GSE1: variants seen among roughly 807,000 people sequenced by gnomAD.
The protein encoded by GSE1 is Gse1 coiled-coil protein, also known as genetic suppressor element 1.
A neutral mutation model predicts 112.6 loss-of-function variants in GSE1; 32 were observed. The ratio of observed to expected loss-of-function variants is 0.28; its 90% CI spans 0.21 to 0.38. The LOEUF is 0.38. Ranked by LOEUF, GSE1 falls within the 10% of genes least tolerant of loss-of-function variation. GSE1 has a pLI of 1.00. For synonymous variants in GSE1, 1,115 were observed against 735.6 expected, an observed-to-expected ratio of 1.52 and a Z score of -8.35; for missense variants, 2,348 against 1,699.2, an observed-to-expected ratio of 1.38 and a Z score of -6.71.
chr16:85,247,753 AGGGAGGGAACGCG>A (rs1906015690), intron 1 of GSE1, among the ~76,000 whole-genome samples: 1 of 151,960 alleles, frequency 6.6e-6, no homozygotes, highest in Admixed American at 6.5e-5. Flanking sequence ...GTGAGCACTC[AGGGAGGGAACGCG>A]GGGAGGGAGG....
intron 1 of GSE1, among the ~76,000 whole-genome samples, chr16:85,575,499 CTT>C (rs1491320124): frequency 4.1e-4 from 63 of 152,268 alleles, no homozygotes; most frequent in African/African-American, 1.3e-3. Context: ...CGTCTCCCCT[CTT>C]TTCTGATCTC....
chr16:85,250,931 T>C (rs1249521489), intron 1 of GSE1, among the ~76,000 whole-genome samples: 2 of 152,086 alleles, frequency 1.3e-5, no homozygotes, highest in Non-Finnish European at 2.9e-5. Flanking sequence ...TGGACTTCTG[T>C]GTCTGGCATC....
chr16:85,350,503 G>A (rs1230103576), intron 1 of GSE1, among the ~76,000 whole-genome samples: 1 of 152,100 alleles, frequency 6.6e-6, no homozygotes, highest in Non-Finnish European at 1.5e-5. Flanking sequence ...AGCTGGAGCC[G>A]AAACTGCCCA....
chr16:85,619,854 C>T (rs990695474), intron 1 of GSE1, among the ~76,000 whole-genome samples: 1 of 152,126 alleles, frequency 6.6e-6, no homozygotes, highest in Non-Finnish European at 1.5e-5. Flanking sequence ...TCCATATCCT[C>T]CCTGTAGTCA....
chr16:85,418,084 G>A (rs536922000), intron 2 of GSE1, among the ~76,000 whole-genome samples: 9 of 152,246 alleles, frequency 5.9e-5, no homozygotes, highest in African/African-American at 1.4e-4. Context: ...TGATCCACCC[G>A]CCTCAGCCTC....
At chr16:85,612,636 T>C (rs1038668363), upstream of GSE1, among the ~76,000 whole-genome samples, 3 of 146,684 alleles carry the variant, frequency 2.0e-5, no homozygotes, top group Non-Finnish European at 3.0e-5. Flanking sequence ...GGGTGCCTTA[T>C]GGAATTTTGA....
chr16:85,231,697 C>T (rs1904288502), intron 1 of GSE1, among the ~76,000 whole-genome samples: 1 of 152,168 alleles, frequency 6.6e-6, no homozygotes, highest in African/African-American at 2.4e-5. Context: ...GTGATGATGA[C>T]CATGTTGGGT....
At chr16:85,277,448 G>A (rs770284060) in intron 1 of GSE1, among the ~76,000 whole-genome samples, 8 of 152,286 alleles carry the variant, frequency 5.3e-5, no homozygotes, top group South Asian at 2.1e-4. Context: ...TCCCTTGGGC[G>A]GCTGGTGGGC....
chr16:85,551,340 G>T (rs1254012564), upstream of GSE1, among the ~76,000 whole-genome samples: 2 of 152,116 alleles, frequency 1.3e-5, no homozygotes, highest in African/African-American at 4.8e-5. Context: ...GTCCTGGTGT[G>T]GCCTAGACTG....
At chr16:85,276,429 G>A (rs74031768) in intron 1 of GSE1, among the ~76,000 whole-genome samples, 1,981 of 152,322 alleles carry the variant, frequency 0.013, 41 homozygotes, top group African/African-American at 0.045. Flanking sequence ...TGTTCACCCA[G>A]CGGTTTTCTG....
At chr16:85,666,438 G>T in intron 13 of GSE1, 91 bp downstream of exon 13, 1 of 1,240,228 alleles carries the variant, frequency 8.1e-7, no homozygotes, top group Non-Finnish European at 1.2e-6. Flanking sequence ...CCGTTCAGCC[G>T]TGGGCACAAG....
intron 3 of GSE1, among the ~76,000 whole-genome samples, chr16:85,650,060 C>T (rs1286915051): frequency 6.6e-6 from 1 of 152,160 alleles, no homozygotes; most frequent in Non-Finnish European, 1.5e-5. Context: ...TGCCCAGGGT[C>T]CTCACCTTGC....
At chr16:85,333,181 C>T (rs1053404634) in intron 1 of GSE1, among the ~76,000 whole-genome samples, 6 of 152,154 alleles carry the variant, frequency 3.9e-5, no homozygotes, top group South Asian at 2.1e-4. Context: ...CTGTAGGGCT[C>T]ATACCAGGAG....
intron 1 of GSE1, among the ~76,000 whole-genome samples, chr16:85,591,521 G>A (rs4240810): frequency 1.3e-5 from 2 of 152,086 alleles, no homozygotes; most frequent in Non-Finnish European, 2.9e-5. Flanking sequence ...ACAGCCTTGC[G>A]GGCTCAGCGG....
intron 11 of GSE1, 30 bp downstream of exon 11, chr16:85,663,644 G>C (rs761167015): frequency 5.7e-6 from 9 of 1,589,682 alleles, no homozygotes; most frequent in Non-Finnish European, 7.7e-6. Flanking sequence ...GGAAGGTGGG[G>C]GCTCACTGGG....
chr16:85,596,127 C>G (rs2047217342), intron 1 of GSE1, among the ~76,000 whole-genome samples: 1 of 151,886 alleles, frequency 6.6e-6, no homozygotes, highest in South Asian at 2.1e-4. Context: ...TACATTTGGT[C>G]TAAAGGTAGG....
At chr16:85,655,112 T>G in intron 5 of GSE1, 121 bp downstream of exon 5, 9 of 710,832 alleles carry the variant, frequency 1.3e-5, no homozygotes, top group African/African-American at 1.7e-5. Context: ...GGGTCTAGAG[T>G]AGCCCCTGAA....
intron 3 of GSE1, among the ~76,000 whole-genome samples, chr16:85,653,805 G>A (rs533628966): frequency 6.6e-6 from 1 of 152,202 alleles, no homozygotes. Flanking sequence ...GACATCTGCG[G>A]CCAGGTGGGC....
Position 85,659,529 on chromosome 16 carries a change from G to A in GSE1, c.1641-1617G>A, listed in dbSNP as rs187341575. ...ACAAATATGGTGACCTCCTGGGAGC[G>A]GGGGACCACCAGGTTGCCTAAGGAG... On this transcript the variant is annotated intron_variant, in intron 8 of 15. Coordinates refer to ENST00000253458, the MANE Select transcript of GSE1 (RefSeq NM_014615.5). The A allele has an allele frequency of 2.6e-4, 39 of 152,384 alleles. No homozygotes were observed. In the East Asian group the frequency reaches 3.3e-3, roughly 13 times the overall value. 9.4% of individuals were successfully genotyped at this position (152,384 alleles called of 1,614,324 possible).
Sources: allele counts gnomAD v4.1 joint callset (sites outside exome capture counted in the v4.1 genomes callset), GRCh38; gene constraint gnomAD v4.1.1; transcripts MANE v1.5; gene names NCBI Gene and HGNC (gene_info 2026-07-23, HGNC 2026-07-21).